The following PTPRD variants were observed in gnomAD, a reference collection of about 807,000 sequenced individuals.
PTPRD encodes receptor-type tyrosine-protein phosphatase delta.
PTPRD carries 34 observed loss-of-function variants against 214.5 expected under a neutral mutation model. The observed-to-expected ratio is 0.16, with a 90% CI of 0.12 to 0.21. The LOEUF is 0.21. Ranked by LOEUF, PTPRD falls within the 10% of genes least tolerant of loss-of-function variation. The pLI is 1.00. For synonymous variants in PTPRD, 1,128 were observed against 845.7 expected, an observed-to-expected ratio of 1.33 and a Z score of -5.79; for missense variants, 2,545 against 2,398.7, an observed-to-expected ratio of 1.06 and a Z score of -1.27.
chr9:8,820,386 A>G (rs1447842408), intron 11 of PTPRD, among the ~76,000 whole-genome samples: 1 of 152,152 alleles, frequency 6.6e-6, no homozygotes, highest in East Asian at 1.9e-4. Flanking sequence ...CTCTGCTCTC[A>G]TAACAGCTTT....
intron 8 of PTPRD, among the ~76,000 whole-genome samples, chr9:9,494,854 A>T (rs1332122328): frequency 4.1e-4 from 63 of 152,226 alleles, no homozygotes; most frequent in Admixed American, 4.1e-3. Context: ...CTGGATTACC[A>T]AAACAATCTT....
chr9:8,581,933 A>AAT (rs2154252740), intron 14 of PTPRD, among the ~76,000 whole-genome samples: 1 of 147,238 alleles, frequency 6.8e-6, no homozygotes, highest in African/African-American at 2.5e-5. Flanking sequence ...AAAAAAAAAA[A>AAT]AAAAAAAAAG....
chr9:9,454,960 T>C (rs1426420045), intron 8 of PTPRD, among the ~76,000 whole-genome samples: 1 of 151,612 alleles, frequency 6.6e-6, no homozygotes, highest in South Asian at 2.1e-4. Context: ...AGTGAGAAAC[T>C]TGAAGAAGAG....
intron 14 of PTPRD, among the ~76,000 whole-genome samples, chr9:8,632,744 G>C (rs951946946): frequency 6.6e-6 from 1 of 151,966 alleles, no homozygotes; most frequent in African/African-American, 2.4e-5. Context: ...AACATTGTTG[G>C]AGACAAAGAA....
chr9:9,956,942 G>T (rs1363487079), intron 4 of PTPRD, among the ~76,000 whole-genome samples: 1 of 152,038 alleles, frequency 6.6e-6, no homozygotes, highest in Non-Finnish European at 1.5e-5. Context: ...ACTGCCCATA[G>T]GTGGTAGCAA....
intron 3 of PTPRD, among the ~76,000 whole-genome samples, chr9:10,194,438 T>A (rs2099389331): frequency 6.7e-6 from 1 of 150,078 alleles, no homozygotes; most frequent in Non-Finnish European, 1.5e-5. Context: ...AGAATGGCTG[T>A]TAGAGATTAT....
At chr9:8,442,586 A>G (rs113578051) in intron 34 of PTPRD, among the ~76,000 whole-genome samples, 3,508 of 152,274 alleles carry the variant, frequency 0.023, 65 homozygotes, top group Non-Finnish European at 0.035. Flanking sequence ...TTTTCATCAA[A>G]TCAATTACCA....
chr9:9,069,701 G>T (rs2154407603), intron 10 of PTPRD, among the ~76,000 whole-genome samples: 1 of 152,314 alleles, frequency 6.6e-6, no homozygotes, highest in East Asian at 1.9e-4. Context: ...TAACCATTGT[G>T]AATTGAGTTT....
chr9:10,146,781 A>G (rs558104791), intron 3 of PTPRD, among the ~76,000 whole-genome samples: 9 of 152,220 alleles, frequency 5.9e-5, no homozygotes, highest in African/African-American at 2.2e-4. Context: ...AGAAGAAAAA[A>G]AAGAGGTTTG....
chr9:9,932,455 T>A (rs1041022421), intron 5 of PTPRD, among the ~76,000 whole-genome samples: 18 of 144,742 alleles, frequency 1.2e-4, no homozygotes, highest in African/African-American at 4.5e-4. Context: ...GCCGATGCAA[T>A]CAACTGGAAG....
chr9:10,004,699 A>G (rs1304605213), intron 4 of PTPRD, among the ~76,000 whole-genome samples: 1 of 152,060 alleles, frequency 6.6e-6, no homozygotes, highest in African/African-American at 2.4e-5. Context: ...TAAAATACCA[A>G]ATAGTGTCAT....
At chr9:10,320,767 C>G (rs62538998) in intron 3 of PTPRD, among the ~76,000 whole-genome samples, 13,030 of 152,006 alleles carry the variant, frequency 0.086, 760 homozygotes, top group Non-Finnish European at 0.13. Flanking sequence ...CTCACTCTGT[C>G]ACCAGGCTGG....
At chr9:9,497,098 G>A (rs2096227167) in intron 8 of PTPRD, among the ~76,000 whole-genome samples, 1 of 152,150 alleles carries the variant, frequency 6.6e-6, no homozygotes, top group East Asian at 1.9e-4. Flanking sequence ...GGGAGGCAGA[G>A]AATGGGGAAT....
rs144089688 is a variant in PTPRD at position 8,591,972 on chromosome 9, C to T, written c.352+41345G>A. On this transcript the variant is annotated intron_variant, in intron 14 of 45. Transcript: ENST00000381196. Reference sequence around the variant, plus strand: ...GAAAAAATAAATTTGGGGCAGCTAGCTGTTGGTTTTACAGAATTAATTCCA... The same window carrying T: ...GAAAAAATAAATTTGGGGCAGCTAGTTGTTGGTTTTACAGAATTAATTCCA... Among the ~76,000 whole-genome samples, 437 of 152,082 alleles carry T rather than the reference C, an allele frequency of 2.9e-3. 3 individuals carry two copies. Among genetic ancestry groups the T allele is most frequent in the African/African-American group, 0.01 (422 of 41,440 alleles).
At chr9:9,519,840 C>T (rs137864871) in intron 8 of PTPRD, among the ~76,000 whole-genome samples, 7 of 152,050 alleles carry the variant, frequency 4.6e-5, no homozygotes, top group Admixed American at 6.6e-5. Flanking sequence ...CATATAAAAC[C>T]GAACAAGTTG....
chr9:9,550,943 C>T (rs1309345765), intron 8 of PTPRD, among the ~76,000 whole-genome samples: 2 of 151,808 alleles, frequency 1.3e-5, no homozygotes, highest in Non-Finnish European at 2.9e-5. Context: ...AATGATATCA[C>T]CAAATGTTGG....
intron 12 of PTPRD, among the ~76,000 whole-genome samples, chr9:8,727,269 C>T (rs965035092): frequency 6.6e-6 from 1 of 152,204 alleles, no homozygotes; most frequent in Non-Finnish European, 1.5e-5. Context: ...TTGAAATGTA[C>T]ACGTGTTGAT....
chr9:8,761,061 T>G (rs2094384857), intron 11 of PTPRD, among the ~76,000 whole-genome samples: 1 of 152,246 alleles, frequency 6.6e-6, no homozygotes, highest in Non-Finnish European at 1.5e-5. Flanking sequence ...ACATCTCATG[T>G]GTCAGCAGAT....
chr9:10,260,092 T>A (rs1191708190), intron 3 of PTPRD, among the ~76,000 whole-genome samples: 1 of 152,218 alleles, frequency 6.6e-6, no homozygotes, highest in Non-Finnish European at 1.5e-5. Context: ...AATCTTAGGA[T>A]ATATTTATAC....
Sources: gnomAD v4.1 joint callset for allele counts (sites outside exome capture counted in the v4.1 genomes callset) on GRCh38, gnomAD v4.1.1 for gene constraint, MANE v1.5 for transcripts, NCBI Gene and HGNC (gene_info 2026-07-23, HGNC 2026-07-21) for gene names.